ASIC1: variants seen among roughly 807,000 people sequenced by gnomAD.
The protein encoded by ASIC1 is acid-sensing ion channel 1.
A neutral mutation model predicts 63.4 loss-of-function variants in ASIC1; 21 were observed. That is an observed-to-expected ratio of 0.33 (90% CI 0.23 to 0.48). ASIC1 has a LOEUF of 0.48. ASIC1 is among the 20% of genes least tolerant of loss of function. ASIC1 has a pLI of 0.99. For synonymous variants in ASIC1, 258 were observed against 278.2 expected (o/e 0.93, Z 0.72); for missense variants, 478 against 695.5 (o/e 0.69, Z 3.52).
chr12:50,059,903 G>T lies in ASIC1; in HGVS notation c.507G>T (p.Leu169=), dbSNP rs761735416. The change falls in exon 3 of 12, where the codon CTG becomes CTT. Residue 169 remains leucine, a synonymous_variant. Transcript: ENST00000447966. This position sits in a 1 kb window ranked among gnomAD's most constrained non-coding sequence, Gnocchi z 4.6. The part of the protein sequence containing the change: ...DRAGHDIRDM[L]LSCHFRGEVC... Reference sequence around the variant, plus strand: ...CTGGGCACGACATTCGAGACATGCTGCTCTCCTGCCACTTCCGGGGGGAGG... The same window carrying T: ...CTGGGCACGACATTCGAGACATGCTTCTCTCCTGCCACTTCCGGGGGGAGG... 6.2e-7 allele frequency: 1 copy of T among 1,614,122 alleles called. No homozygotes were observed. The highest frequency in any genetic ancestry group is 8.5e-7 in the Non-Finnish European group (1 of 1,180,004).
At chr12:50,073,812 C>T (rs1042904995) in intron 3 of ASIC1, 1 of 1,533,450 alleles carries the variant, frequency 6.5e-7, no homozygotes, top group Non-Finnish European at 8.7e-7. Flanking sequence ...TCCATGGCAC[C>T]AACCACATTT....
rs769003938 is a variant in ASIC1, at chr12:50,077,361, C to T, written c.707C>T (p.Thr236Ile). ...QDEYLPVWGE[T>I]DETSFEAGIK... ...GAGTACCTGCCTGTGTGGGGGGAGA[C>T]TGGTACGTCACCCACTTCAGGGGCC... The change falls in exon 4 of 12, where the codon ACT becomes ATT. Residue 236 changes from threonine to isoleucine, a missense_variant and splice_region_variant. Coordinates refer to ENST00000447966, the MANE Select transcript of ASIC1 (RefSeq NM_001095.4). 1.2e-6 allele frequency: 2 copies of T among 1,614,138 alleles called. No homozygotes were observed. The highest frequency in any genetic ancestry group is 1.1e-5 in the South Asian group (1 of 91,080).
At chr12:50,073,588 C>G in intron 3 of ASIC1, 3 of 1,515,732 alleles carry the variant, frequency 2.0e-6, no homozygotes, top group Non-Finnish European at 2.6e-6. Context: ...GGAGAAAATG[C>G]CCATCCAGAT....
In ASIC1 at chr12:50,081,627, C is replaced by T. The variant is rs1212037508; in HGVS notation, c.1565C>T (p.Thr522Met). Residue 522 changes from threonine to methionine, a missense_variant, in exon 12 of 12, where the codon ACG (threonine) becomes ATG (methionine). Physicochemically the swap from Thr to Met is moderately conservative, Grantham distance 81. Around this residue, in one of 3 missense-constraint regions of ASIC1, gnomAD observed 104 missense variants for 97.0 expected, o/e 1.07. Coordinates refer to ENST00000447966, the MANE Select transcript of ASIC1 (RefSeq NM_001095.4). The part of the protein sequence containing the change: ...NILPHHPARG[T>M]FEDFTC ...CTACCTCACCATCCGGCCCGAGGCA[C>T]GTTCGAGGACTTTACCTGCTGAGCC... 1.9e-6 allele frequency: 3 copies of T among 1,613,964 alleles called. No homozygotes were observed. The highest frequency in any genetic ancestry group is 3.3e-5 in the Admixed American group (2 of 60,000).
At chr12:50,077,106 A>T (rs778032982) in intron 3 of ASIC1, 107 bp from the exon 4 acceptor site, 20 of 1,564,354 alleles carry the variant, frequency 1.3e-5, no homozygotes, top group Admixed American at 1.2e-4. Flanking sequence ...GGGAGGAACC[A>T]TTCCCAAAGG....
chr12:50,075,864 G>A lies in ASIC1; in HGVS notation c.559-1349G>A, dbSNP rs140597691. Among the ~76,000 whole-genome samples the A allele has an allele frequency of 4.1e-3, 619 of 152,318 alleles. 1 individual carries two copies. The highest frequency in any genetic ancestry group is 7.1e-3 in the Non-Finnish European group (486 of 68,028). The stretch of plus-strand genomic sequence containing the variant: ...GTGGGGAAAAGGCCAAGGATAACTG[G>A]TTTACTTTTCTCTTTGCAGCTTTTT... On this transcript the variant is annotated intron_variant, in intron 3 of 11. Coordinates refer to ENST00000447966, the MANE Select transcript of ASIC1 (RefSeq NM_001095.4).
At chr12:50,068,897 C>T (rs1184209177) in intron 3 of ASIC1, among the ~76,000 whole-genome samples, 4 of 152,168 alleles carry the variant, frequency 2.6e-5, no homozygotes, top group East Asian at 1.9e-4. Context: ...AATGGCTCCT[C>T]GACAGGCCTT....
intron 4 of ASIC1, 72 bp from the exon 5 acceptor site, chr12:50,077,928 G>C: frequency 1.9e-6 from 3 of 1,538,930 alleles, no homozygotes; most frequent in Non-Finnish European, 2.6e-6. Flanking sequence ...AGGAGAGGTA[G>C]GATGCCCCCA....
At position 50,074,172 on chromosome 12, in the gene ASIC1, C is replaced by T. The variant is rs1390711090; in HGVS notation, c.559-3041C>T. 5 of 1,534,160 alleles carry T rather than the reference C, an allele frequency of 3.3e-6. No individual in the cohort carries two copies. Among genetic ancestry groups the T allele is most frequent in the Middle Eastern group, 3.3e-4 (2 of 5,976 alleles). On this transcript the variant is annotated intron_variant, in intron 3 of 11. Coordinates refer to ENST00000447966, the MANE Select transcript of ASIC1 (RefSeq NM_001095.4). The surrounding 1 kb of genome is among the most constrained non-coding windows in gnomAD (Gnocchi z 4.2). Reference sequence around the variant, plus strand: ...TGCACCGCTTCTACAATCGCTCCTGCCACCGGCTGGAGGACATGCTGCTCT... The same window carrying T: ...TGCACCGCTTCTACAATCGCTCCTGTCACCGGCTGGAGGACATGCTGCTCT...
intron 7 of ASIC1, 131 bp from the exon 8 acceptor site, chr12:50,079,771 C>T (rs1950695764): frequency 1.8e-6 from 2 of 1,128,620 alleles, no homozygotes; most frequent in East Asian, 2.5e-5. Flanking sequence ...AGCATCCAGG[C>T]AGGGTGAAGG....
At chr12:50,077,619 C>T (rs538211272) in intron 4 of ASIC1, among the ~76,000 whole-genome samples, 6 of 152,208 alleles carry the variant, frequency 3.9e-5, no homozygotes, top group South Asian at 4.2e-4. Context: ...ATAAATAACT[C>T]CCTCTCTTCT....
At chr12:50,065,205 G>T (rs1471005518) in intron 3 of ASIC1, among the ~76,000 whole-genome samples, 5 of 152,102 alleles carry the variant, frequency 3.3e-5, no homozygotes, top group Non-Finnish European at 5.9e-5. Flanking sequence ...TCCCTCACTT[G>T]TATGTTTGGG....
chr12:50,081,374 C>A lies in ASIC1; in HGVS notation c.1482+10C>A, dbSNP rs375340440. 5 of 1,575,552 alleles carry A rather than the reference C, an allele frequency of 3.2e-6. No individual in the cohort carries two copies. Among genetic ancestry groups the A allele is most frequent in the African/African-American group, 1.3e-5 (1 of 74,118 alleles). On this transcript the variant is annotated intron_variant, in intron 11 of 11. Transcript: ENST00000447966. Reference sequence around the variant, plus strand: ...CGACGTCAAAAGACACGTGAGGGAGCGAGCGAGGGCGCCCTCCAGCCCGCC... The same window carrying A: ...CGACGTCAAAAGACACGTGAGGGAGAGAGCGAGGGCGCCCTCCAGCCCGCC...
At position 50,077,255 on chromosome 12, in the gene ASIC1, C is replaced by A. The variant is rs371138027; in HGVS notation, c.601C>A (p.Arg201=). ...AAAGTGCTACACGTTCAACTCGGGC[C>A]GAGATGGGCGGCCGCGGCTGAAGAC... is the stretch of plus-strand genomic sequence containing the variant. The part of the protein sequence containing the change: ...YGKCYTFNSG[R]DGRPRLKTMK... Residue 201 remains arginine, a synonymous_variant, in exon 4 of 12, where the codon CGA becomes AGA. Coordinates refer to ENST00000447966, the MANE Select transcript of ASIC1 (RefSeq NM_001095.4). 1.4e-5 allele frequency: 22 copies of A among 1,613,570 alleles called. No homozygotes were observed. Among genetic ancestry groups the A allele is most frequent in the Non-Finnish European group, 1.4e-5 (16 of 1,179,814 alleles).
chr12:50,072,991 C>T (rs1038525129), intron 3 of ASIC1, among the ~76,000 whole-genome samples: 9 of 152,014 alleles, frequency 5.9e-5, no homozygotes, highest in Non-Finnish European at 8.8e-5. Flanking sequence ...TCAGGTATCC[C>T]AGAGGAATAA....
chr12:50,062,074 C>T (rs1950505726), intron 3 of ASIC1, among the ~76,000 whole-genome samples: 1 of 152,142 alleles, frequency 6.6e-6, no homozygotes, highest in Non-Finnish European at 1.5e-5. Context: ...CTCACTCCTC[C>T]CTCTGCTCTC....
intron 11 of ASIC1, 59 bp from the exon 12 acceptor site, chr12:50,081,486 A>T: frequency 8.6e-7 from 1 of 1,158,250 alleles, no homozygotes. Flanking sequence ...CGAATGCCCC[A>T]GCACTACCTG....
chr12:50,060,868 G>A (rs1321779473), intron 3 of ASIC1, among the ~76,000 whole-genome samples: 2 of 152,212 alleles, frequency 1.3e-5, no homozygotes, highest in Admixed American at 6.5e-5. Flanking sequence ...GACAATGCTT[G>A]TAACTCTTTC....
intron 3 of ASIC1, among the ~76,000 whole-genome samples, chr12:50,066,324 C>T (rs1950545386): frequency 6.6e-6 from 1 of 152,070 alleles, no homozygotes; most frequent in Non-Finnish European, 1.5e-5. Context: ...GGGACCCTGA[C>T]TTCAGATCTT....
Sources: allele counts gnomAD v4.1 joint callset (sites outside exome capture counted in the v4.1 genomes callset), GRCh38; gene constraint gnomAD v4.1.1; regional missense constraint gnomAD v4.1.1; non-coding constraint Gnocchi (gnomAD v3.1); transcripts MANE v1.5; gene names NCBI Gene and HGNC (gene_info 2026-07-23, HGNC 2026-07-21).